The following HDAC9 variants were observed in gnomAD, a reference collection of about 807,000 sequenced individuals.
The protein encoded by HDAC9 is histone deacetylase 9.
Under a neutral mutation model 139.4 loss-of-function variants are expected in HDAC9, and 41 were observed. The observed-to-expected ratio is 0.29, with a 90% CI of 0.23 to 0.38. The LOEUF is 0.38. Ranked by LOEUF, HDAC9 falls within the 10% of genes least tolerant of loss-of-function variation. The probability of loss-of-function intolerance (pLI) is 1.00; values close to 1 mark genes in which losing one functional copy is unlikely to be tolerated. For missense variants in HDAC9, 1,147 were observed against 1,297.0 expected (o/e 0.88, Z 1.78); for synonymous variants, 517 against 476.2 (o/e 1.09, Z -1.12).
intron 2 of HDAC9, among the ~76,000 whole-genome samples, chr7:18,180,000 A>G (rs1034476190): frequency 1.3e-5 from 2 of 151,996 alleles, no homozygotes; most frequent in African/African-American, 2.4e-5. Flanking sequence ...GAGGCCTAAA[A>G]CCATCATCTC....
chr7:18,758,058 T>G (rs894074180), intron 14 of HDAC9, among the ~76,000 whole-genome samples: 9 of 152,124 alleles, frequency 5.9e-5, no homozygotes, highest in African/African-American at 1.9e-4. Context: ...TAAGTGCACG[T>G]CACAGGGAAC....
intron 1 of HDAC9, among the ~76,000 whole-genome samples, chr7:18,359,138 A>G (rs1346858669): frequency 1.3e-5 from 2 of 152,114 alleles, no homozygotes; most frequent in African/African-American, 4.8e-5. Context: ...GGCAGATTAC[A>G]TGATGTCAGG....
At chr7:18,558,302 G>C (rs150636084) in intron 2 of HDAC9, among the ~76,000 whole-genome samples, 35 of 152,106 alleles carry the variant, frequency 2.3e-4, no homozygotes, top group African/African-American at 6.7e-4. Context: ...TCCGGTTATT[G>C]GTGTTTCTTT....
chr7:18,377,967 G>A (rs1264495092), intron 1 of HDAC9, among the ~76,000 whole-genome samples: 3 of 152,142 alleles, frequency 2.0e-5, no homozygotes, highest in Non-Finnish European at 4.4e-5. Flanking sequence ...TTTCATTCCA[G>A]AAGACTTAAA....
At chr7:18,119,022 T>C (rs1784197583) in intron 1 of HDAC9, among the ~76,000 whole-genome samples, 2 of 152,202 alleles carry the variant, frequency 1.3e-5, no homozygotes, top group Non-Finnish European at 2.9e-5. Context: ...GAAGCTCTTC[T>C]AGAGTTAGAC....
At chr7:18,422,370 C>T (rs1789700359) in intron 1 of HDAC9, among the ~76,000 whole-genome samples, 2 of 152,118 alleles carry the variant, frequency 1.3e-5, no homozygotes, top group South Asian at 4.1e-4. Flanking sequence ...ATCAGCCAAG[C>T]AATAGCAACA....
At chr7:18,484,465 TAA>T (rs1795822530) in intron 1 of HDAC9, among the ~76,000 whole-genome samples, 1 of 152,214 alleles carries the variant, frequency 6.6e-6, no homozygotes, top group Non-Finnish European at 1.5e-5. Context: ...TGTAATGCTA[TAA>T]GCATGTTTTG....
At chr7:18,451,407 ATGTG>A (rs1217649292) in intron 1 of HDAC9, among the ~76,000 whole-genome samples, 4 of 116,468 alleles carry the variant, frequency 3.4e-5, no homozygotes, top group African/African-American at 9.1e-5. Flanking sequence ...GTGTGTATAT[ATGTG>A]TGTGTGTGTG....
rs1385147763 is a variant in HDAC9 at position 18,996,423 on chromosome 7, G to A, written c.*361G>A. 5.9e-6 allele frequency: 1 copy of A among 170,854 alleles called. No individual in the cohort carries two copies. Among genetic ancestry groups the A allele is most frequent in the African/African-American group, 2.4e-5 (1 of 41,972 alleles). The allele number at this position is 170,854 out of a possible 1,614,324, so 10.6% of individuals were successfully genotyped here. Reference sequence around the variant, plus strand: ...AATTTCAGAAGCTATGACAGCCAGTGAAATTTTGGGCAAAACCTGAGACAT... The same window carrying A: ...AATTTCAGAAGCTATGACAGCCAGTAAAATTTTGGGCAAAACCTGAGACAT... On this transcript the variant is annotated 3_prime_UTR_variant, in exon 26 of 26. Transcript: ENST00000686413.
chr7:18,511,038 G>T (rs951608088), intron 2 of HDAC9, among the ~76,000 whole-genome samples: 2 of 152,168 alleles, frequency 1.3e-5, no homozygotes, highest in African/African-American at 4.8e-5. Context: ...CATAGGTGTT[G>T]AACACAGTGT....
intron 6 of HDAC9, among the ~76,000 whole-genome samples, chr7:18,609,798 A>G (rs1726601): frequency 0.098 from 11,537 of 117,948 alleles, 815 homozygotes; most frequent in African/African-American, 0.22. Flanking sequence ...ACTCCGTGAC[A>G]GGCCCCGGTG....
chr7:18,122,178 C>T (rs1173515838), intron 1 of HDAC9, among the ~76,000 whole-genome samples: 2 of 152,134 alleles, frequency 1.3e-5, no homozygotes, highest in Non-Finnish European at 2.9e-5. Context: ...TTTTCACAAG[C>T]AGTTGAAAGA....
rs147840943 is a variant in HDAC9, at chr7:18,784,943, T to TTGTGTGTGTGTGTG, written c.2215-8384_2215-8371dup. Among the ~76,000 whole-genome samples the TTGTGTGTGTGTGTG allele has an allele frequency of 6.0e-4, 17 of 28,174 alleles. 1 individual carries two copies. Among genetic ancestry groups the TTGTGTGTGTGTGTG allele is most frequent in the South Asian group, 1.9e-3 (1 of 528 alleles). The allele number at this position is 28,174 out of a possible 152,430, so 18.5% of individuals were successfully genotyped here. A position where few individuals can be genotyped will look rare whatever the true frequency, so the allele number is the denominator to read the frequency against. On this transcript the variant is annotated intron_variant, in intron 16 of 25. Transcript: ENST00000686413. ...TTGGCTTTTAATAGGTAGCAATTGC[T>TTGTGTGTGTGTGTG]TGTGTGTGTGTGTGTGTGTGTGTGT...
At chr7:18,392,919 CAAA>C (rs773532939) in intron 1 of HDAC9, among the ~76,000 whole-genome samples, 2 of 44,534 alleles carry the variant, frequency 4.5e-5, no homozygotes, top group Non-Finnish European at 1.1e-4. Flanking sequence ...CCATGACTGG[CAAA>C]AAAAAAAAAA....
At chr7:18,964,107 A>G (rs1392810044) in intron 24 of HDAC9, among the ~76,000 whole-genome samples, 3 of 152,184 alleles carry the variant, frequency 2.0e-5, no homozygotes, top group African/African-American at 7.2e-5. Context: ...GTCATGATGT[A>G]TAGCAGTTTG....
intron 2 of HDAC9, among the ~76,000 whole-genome samples, chr7:18,265,665 G>T (rs541962474): frequency 1.3e-5 from 2 of 151,994 alleles, no homozygotes; most frequent in South Asian, 2.1e-4. Flanking sequence ...GTTAACATGA[G>T]AAACTTTTTT....
chr7:18,690,071 A>G (rs1385114460), intron 12 of HDAC9, among the ~76,000 whole-genome samples: 1 of 151,970 alleles, frequency 6.6e-6, no homozygotes, highest in Non-Finnish European at 1.5e-5. Flanking sequence ...AGAATGAGGC[A>G]CAAAGTTTGT....
At chr7:18,955,662 A>G (rs947113846) in intron 24 of HDAC9, among the ~76,000 whole-genome samples, 6 of 152,154 alleles carry the variant, frequency 3.9e-5, no homozygotes, top group Admixed American at 3.3e-4. Flanking sequence ...TAACAGTCCA[A>G]TGAGTGAGAG....
In HDAC9 at chr7:18,732,908, C is replaced by CGTATGTGTACACACACGTGTGTAT. The variant is rs1562893537; in HGVS notation, c.1909+5160_1909+5161insCACACACGTGTGTATGTATGTGTA. On this transcript the variant is annotated intron_variant, in intron 13 of 25. Transcript: ENST00000686413. Reference sequence around the variant, plus strand: ...GCGTATGTGTACACACACACGTGTGCGTATGTGTATACACACGTGTGTATG... The same window carrying CGTATGTGTACACACACGTGTGTAT: ...GCGTATGTGTACACACACACGTGTGCGTATGTGTACACACACGTGTGTATGTATGTGTATACACACGTGTGTATG... 3.8e-4 allele frequency among the ~76,000 whole-genome samples: 24 copies of CGTATGTGTACACACACGTGTGTAT among 63,084 alleles called. 2 individuals carry two copies. Among genetic ancestry groups the CGTATGTGTACACACACGTGTGTAT allele is most frequent in the African/African-American group, 2.3e-3 (24 of 10,342 alleles). The allele number at this position is 63,084 out of a possible 152,430, so 41.4% of individuals were successfully genotyped here. A position where few individuals can be genotyped will look rare whatever the true frequency, so the allele number is the denominator to read the frequency against.
Sources: gnomAD v4.1 joint callset for allele counts (sites outside exome capture counted in the v4.1 genomes callset) on GRCh38, gnomAD v4.1.1 for gene constraint, MANE v1.5 for transcripts, NCBI Gene and HGNC (gene_info 2026-07-23, HGNC 2026-07-21) for gene names.